PLCH1: variants seen among roughly 807,000 people sequenced by gnomAD.
PLCH1 encodes the protein phospholipase C eta 1.
In PLCH1, 60 loss-of-function variants were observed where a neutral mutation model predicts 126.7. That is an observed-to-expected ratio of 0.47 (90% CI 0.38 to 0.59). The LOEUF is 0.59. Among genes scored for constraint, PLCH1 ranks in the 20% least tolerant of loss-of-function variants. The probability of loss-of-function intolerance (pLI) is 0.00; values close to 1 mark genes in which losing one functional copy is unlikely to be tolerated. For synonymous variants in PLCH1, 719 were observed against 734.9 expected (o/e 0.98, Z 0.35); for missense variants, 1,723 against 2,040.0 (o/e 0.84, Z 2.99).
intron 21 of PLCH1, chr3:155,457,104 C>A (rs1456106636): frequency 6.6e-6 from 1 of 152,342 alleles, no homozygotes; most frequent in African/African-American, 2.4e-5. Flanking sequence ...CTTGCGTTGC[C>A]CCGGACACTG....
At chr3:155,626,772 A>C (rs1737348546) in intron 2 of PLCH1, among the ~76,000 whole-genome samples, 1 of 45,906 alleles carries the variant, frequency 2.2e-5, no homozygotes, top group Non-Finnish European at 3.3e-5. Context: ...CCGTCTCAAA[A>C]AAAAAAAAAA....
At chr3:155,668,581 T>A (rs565789986) in intron 2 of PLCH1, among the ~76,000 whole-genome samples, 1 of 152,158 alleles carries the variant, frequency 6.6e-6, no homozygotes, top group Admixed American at 6.5e-5. Flanking sequence ...GGGTGAGGGT[T>A]CAGAGGGGAA....
intron 3 of PLCH1, among the ~76,000 whole-genome samples, chr3:155,594,651 C>T (rs562187824): frequency 4.7e-4 from 72 of 152,232 alleles, no homozygotes; most frequent in African/African-American, 1.5e-3. Flanking sequence ...GAAACCCAGG[C>T]CCTGTTTTTT....
intron 21 of PLCH1, among the ~76,000 whole-genome samples, chr3:155,459,455 T>A (rs557391849): frequency 1.3e-5 from 2 of 152,324 alleles, no homozygotes; most frequent in East Asian, 3.9e-4. Context: ...AGGACACCAG[T>A]CCTAGCAGTT....
At chr3:155,474,923 G>C (rs1406021089), downstream of PLCH1, among the ~76,000 whole-genome samples, 1 of 118,392 alleles carries the variant, frequency 8.4e-6, no homozygotes, top group Non-Finnish European at 1.7e-5. Flanking sequence ...TCTGGGGACT[G>C]TGGTGGGGTG....
rs76314695 is a variant in PLCH1 at position 155,486,105 on chromosome 3, G to T, written c.2620-395C>A. The T allele has an allele frequency of 1.4e-3, 1,864 of 1,286,176 alleles. 35 individuals are homozygous for T. In the African/African-American group the frequency reaches 0.025, roughly 17 times the overall value. The allele number at this position is 1,286,176 out of a possible 1,614,324, so 79.7% of individuals were successfully genotyped here. Reference sequence around the variant, plus strand: ...GCATGCTGCCATAACCACTTAAAAAGAAATATGCCAGCCAGAACAAAGCAC... The same window carrying T: ...GCATGCTGCCATAACCACTTAAAAATAAATATGCCAGCCAGAACAAAGCAC... On this transcript the variant is annotated intron_variant, in intron 21 of 22. Coordinates refer to ENST00000460012, the MANE Select transcript of PLCH1 (RefSeq NM_014996.4).
intron 2 of PLCH1, among the ~76,000 whole-genome samples, chr3:155,667,903 TAA>T (rs35373040): frequency 7.9e-5 from 6 of 75,588 alleles, no homozygotes; most frequent in Non-Finnish European, 1.2e-4. Flanking sequence ...CATCTCTACT[TAA>T]AAAAAAAAAA....
At chr3:155,677,216 T>C (rs1344023745) in intron 2 of PLCH1, among the ~76,000 whole-genome samples, 1 of 152,190 alleles carries the variant, frequency 6.6e-6, no homozygotes, top group Non-Finnish European at 1.5e-5. Flanking sequence ...CCATTCTGCA[T>C]ATACCAGTGT....
At chr3:155,736,439 C>A (rs1749178708) in intron 1 of PLCH1, among the ~76,000 whole-genome samples, 1 of 152,140 alleles carries the variant, frequency 6.6e-6, no homozygotes, top group Non-Finnish European at 1.5e-5. Context: ...GGAATAATCA[C>A]ACTACAGTGA....
intron 5 of PLCH1, among the ~76,000 whole-genome samples, 176 bp from the exon 6 acceptor site, chr3:155,583,818 T>A (rs1029894404): frequency 6.6e-6 from 1 of 151,882 alleles, no homozygotes. Flanking sequence ...AGCAACCACA[T>A]ATTTGGCCAG....
chr3:155,693,029 G>A (rs1222588177), intron 2 of PLCH1, among the ~76,000 whole-genome samples: 7 of 151,874 alleles, frequency 4.6e-5, no homozygotes, highest in African/African-American at 1.7e-4. Flanking sequence ...TGATCTGCCC[G>A]CCTCGGCCTC....
At position 155,463,433 on chromosome 3, in the gene PLCH1, G is replaced by T. The variant is rs62276953; in HGVS notation, c.2938+21923C>A. ...CCAGCTGAGTACCTAGCCCAGACTA[G>T]ATGTTAACTATATGTTTATTAAACT... On this transcript the variant is annotated intron_variant, in intron 21 of 21. Coordinates refer to the PLCH1 transcript ENST00000494598. 2.2e-3 allele frequency among the ~76,000 whole-genome samples: 342 copies of T among 152,284 alleles called. 3 individuals are homozygous for T. The highest frequency in any genetic ancestry group is 0.015 in the South Asian group (73 of 4,828).
chr3:155,688,952 GC>G (rs944132116), intron 2 of PLCH1, among the ~76,000 whole-genome samples: 4 of 152,328 alleles, frequency 2.6e-5, no homozygotes, highest in African/African-American at 9.6e-5. Flanking sequence ...CGCTGGACAT[GC>G]CTGGGGCCGG....
chr3:155,633,283 T>A (rs776313590), intron 2 of PLCH1, among the ~76,000 whole-genome samples: 6 of 151,836 alleles, frequency 4.0e-5, no homozygotes, highest in Non-Finnish European at 8.8e-5. Flanking sequence ...ATAATCTTAT[T>A]TTGATTATTG....
chr3:155,609,489 A>G (rs567883537), intron 2 of PLCH1, among the ~76,000 whole-genome samples: 3 of 152,342 alleles, frequency 2.0e-5, no homozygotes, highest in African/African-American at 7.2e-5. Flanking sequence ...AAAAGATTCT[A>G]TAGTACCCTC....
intron 2 of PLCH1, among the ~76,000 whole-genome samples, chr3:155,694,633 A>G (rs926208526): frequency 6.6e-6 from 1 of 152,188 alleles, no homozygotes; most frequent in Non-Finnish European, 1.5e-5. Context: ...TCAATAGGAG[A>G]AATTCTAAAA....
chr3:155,458,381 AGAAAGAAGGAAGGAAGGAAGGAAG>A (rs1171788030), intron 21 of PLCH1, among the ~76,000 whole-genome samples: 15 of 103,216 alleles, frequency 1.5e-4, no homozygotes, highest in African/African-American at 5.3e-4. Context: ...AAAGAAAGAA[AGAAAGAAGGAAGGAAGGAAGGAAG>A]GAAGGAAGGA....
chr3:155,677,673 T>C (rs1460869172), intron 2 of PLCH1, among the ~76,000 whole-genome samples: 1 of 152,204 alleles, frequency 6.6e-6, no homozygotes, highest in Non-Finnish European at 1.5e-5. Flanking sequence ...CAGTAATTAA[T>C]TTAATACACA....
chr3:155,628,608 C>A (rs1275666867), intron 2 of PLCH1, among the ~76,000 whole-genome samples: 1 of 148,254 alleles, frequency 6.7e-6, no homozygotes, highest in African/African-American at 2.5e-5. Context: ...GCTCCTGTGT[C>A]ACATAAAACT....
Sources: allele counts gnomAD v4.1 joint callset (sites outside exome capture counted in the v4.1 genomes callset), GRCh38; gene constraint gnomAD v4.1.1; transcripts MANE v1.5; gene names NCBI Gene and HGNC (gene_info 2026-07-23, HGNC 2026-07-21).